TAT: variants seen among roughly 807,000 people sequenced by gnomAD.
The protein encoded by TAT is L-tyrosine:2-oxoglutarate aminotransferase.
Under a neutral mutation model 53.6 loss-of-function variants are expected in TAT, and 35 were observed. The ratio of observed to expected loss-of-function variants is 0.65; its 90% CI spans 0.50 to 0.87. The LOEUF (loss-of-function observed/expected upper bound fraction) is 0.87. TAT is among the 40% of genes least tolerant of loss of function. The probability of loss-of-function intolerance (pLI) is 0.00; values close to 1 mark genes in which losing one functional copy is unlikely to be tolerated. For missense variants in TAT, 525 were observed against 571.8 expected (o/e 0.92, Z 0.83); for synonymous variants, 197 against 206.5 (o/e 0.95, Z 0.39).
At position 71,570,235 on chromosome 16, in the gene TAT, A is replaced by G. The variant is rs371875124; in HGVS notation, c.1041+34T>C. On this transcript the variant is annotated intron_variant, in intron 9 of 11. Coordinates refer to ENST00000355962, the MANE Select transcript of TAT (RefSeq NM_000353.3). ...CACGGGCGGCATTCTCTGACTCCCA[A>G]ACTCCCAAAGTGGAGGGCAGGAGCT... The G allele has an allele frequency of 9.4e-5, 152 of 1,614,104 alleles. No homozygotes were observed. The African/African-American group carries it at 2.0e-3, about 21-fold the overall frequency.
chr16:71,568,227 G>A lies in TAT; in HGVS notation c.1282C>T (p.Leu428=), dbSNP rs756352764. The change falls in exon 12 of 12, where the codon CTG becomes TTG. Residue 428 remains leucine, a synonymous_variant. Coordinates refer to ENST00000355962, the MANE Select transcript of TAT (RefSeq NM_000353.3). ...TCCTGGATCCGGCTGCACGCCTCCA[G>A]CATCATCACCTCGGGGACTGTGATG... The part of the protein sequence containing the change: ...VVITVPEVMM[L]EACSRIQEFC... 1.2e-6 allele frequency: 2 copies of A among 1,614,212 alleles called. No individual in the cohort carries two copies. Among genetic ancestry groups the A allele is most frequent in the Admixed American group, 3.3e-5 (2 of 60,024 alleles).
At chr16:71,568,405 C>A in intron 11 of TAT, 121 bp from the exon 12 acceptor site, 1 of 975,622 alleles carries the variant, frequency 1.0e-6, no homozygotes, top group Admixed American at 2.0e-5. Flanking sequence ...TCAGTTCATT[C>A]AGCTCCCATG....
Position 71,569,759 on chromosome 16 carries a change from T to A in TAT, c.1125+95A>T. 2 of 1,219,166 alleles carry A rather than the reference T, an allele frequency of 1.6e-6. 1 individual carries two copies. The highest frequency in any genetic ancestry group is 2.6e-5 in the South Asian group (2 of 77,334). The allele number at this position is 1,219,166 out of a possible 1,614,324, so 75.5% of individuals were successfully genotyped here. ...GCTTAGGAGGCCAGCTGGTTGTCTT[T>A]GTACCCTGCGTGACTGCCTGTGGCA... On this transcript the variant is annotated intron_variant, in intron 10 of 11. Transcript: ENST00000355962.
Position 71,572,677 on chromosome 16 carries a change from C to T in TAT, c.420G>A (p.Leu140=). 1.9e-6 allele frequency: 3 copies of T among 1,614,178 alleles called. No individual in the cohort carries two copies. Among genetic ancestry groups the T allele is most frequent in the South Asian group, 1.1e-5 (1 of 91,076 alleles). The part of the protein sequence containing the change: ...EAPLEAKDVI[L]TSGCSQAIDL... ...CAATAGCTTGGCTGCAGCCACTTGT[C>T]AGAATGACGTCCTGTGAAGGAAATA... is the stretch of plus-strand genomic sequence containing the variant. The change falls in exon 5 of 12, where the codon CTG becomes CTA. Residue 140 remains leucine (L), a synonymous_variant. Transcript: ENST00000355962.
chr16:71,568,751 C>T lies in TAT; in HGVS notation c.1184G>A (p.Arg395Gln), dbSNP rs774152875. The T allele has an allele frequency of 1.3e-5, 21 of 1,613,838 alleles. No homozygotes were observed. The highest frequency in any genetic ancestry group is 2.7e-5 in the African/African-American group (2 of 74,894). ...EFENDVEFTE[R>Q]LVAEQSVHCL... ...GTGGACAGACTGCTCAGCAACTAAC[C>T]GCTCCGTGAACTCCACATCGTTCTC... The change falls in exon 11 of 12, where the codon CGG (arginine) becomes CAG (glutamine). Residue 395 changes from arginine (R) to glutamine (Q), a missense_variant. Transcript: ENST00000355962.
chr16:71,569,843 C>T lies in TAT; in HGVS notation c.1125+11G>A. 1 of 1,612,792 alleles carries T rather than the reference C, an allele frequency of 6.2e-7. No homozygotes were observed. The highest frequency in any genetic ancestry group is 8.5e-7 in the Non-Finnish European group (1 of 1,179,442). Reference sequence around the variant, plus strand: ...ATGCATTGACCTAGTGCCTGCCACCCACATACTCACCATGAGGTACATAGC... The same window carrying T: ...ATGCATTGACCTAGTGCCTGCCACCTACATACTCACCATGAGGTACATAGC... On this transcript the variant is annotated intron_variant, in intron 10 of 11. Coordinates refer to ENST00000355962, the MANE Select transcript of TAT (RefSeq NM_000353.3).
At position 71,573,622 on chromosome 16, in the gene TAT, G is replaced by A. The variant is rs750522601; in HGVS notation, c.341-16C>T. The A allele has an allele frequency of 3.9e-6, 6 of 1,551,278 alleles. No homozygotes were observed. Among genetic ancestry groups the A allele is most frequent in the Middle Eastern group, 3.3e-4 (2 of 5,972 alleles). ...GATAGGAAGCCTGAAAGAAAAGAGT[G>A]GAAAGTGGAGCTTTTTTGGTTTTTA... On this transcript the variant is annotated splice_polypyrimidine_tract_variant and intron_variant, in intron 3 of 11. Transcript: ENST00000355962.
intron 3 of TAT, chr16:71,575,610 G>A: frequency 2.4e-6 from 1 of 422,386 alleles, no homozygotes; most frequent in South Asian, 2.2e-5. Context: ...CAAAGCTCCT[G>A]CCAGACTCAA....
At chr16:71,571,697 T>C in intron 6 of TAT, 39 bp from the exon 7 acceptor site, 5 of 1,591,620 alleles carry the variant, frequency 3.1e-6, no homozygotes, top group Non-Finnish European at 4.3e-6. Context: ...TTAATGTGAA[T>C]TGCTTTATCA....
In TAT at chr16:71,568,700, C is replaced by G; in HGVS notation, c.1224+11G>C. The stretch of plus-strand genomic sequence containing the variant: ...ACTGTTGAGAATGTCCTGAGGGACA[C>G]AGGCACCCACCGTTGCTGGGAGGCA... On this transcript the variant is annotated intron_variant, in intron 11 of 11. Transcript: ENST00000355962. The G allele has an allele frequency of 1.2e-6, 2 of 1,610,126 alleles. No individual in the cohort carries two copies. The highest frequency in any genetic ancestry group is 1.7e-6 in the Non-Finnish European group (2 of 1,177,114).
rs2044160913 is a variant in TAT, at chr16:71,566,070, T to TGGA, written c.*2071_*2073dup. On this transcript the variant is annotated 3_prime_UTR_variant, in exon 12 of 12. Transcript: ENST00000355962. ...GGTTAGAGATCTTTGGGGGCTTGGA[T>TGGA]GGAGGAACAGGAAAAGAGGAGCCAG... The TGGA allele has an allele frequency of 6.6e-6, 1 of 152,142 alleles. No homozygotes were observed. The allele number at this position is 152,142 out of a possible 1,614,324, so 9.4% of individuals were successfully genotyped here.
Position 71,572,274 on chromosome 16 carries a change from A to T in TAT, c.618T>A (p.Asp206Glu), listed in dbSNP as rs772304832. 1 of 1,614,246 alleles carries T rather than the reference A, an allele frequency of 6.2e-7. No individual in the cohort carries two copies. Among genetic ancestry groups the T allele is most frequent in the East Asian group, 2.2e-5 (1 of 44,878 alleles). The change falls in exon 6 of 12, where the codon GAT (aspartate) becomes GAA (glutamate). Residue 206 changes from aspartate to glutamate, a missense_variant. Coordinates refer to ENST00000355962, the MANE Select transcript of TAT (RefSeq NM_000353.3). ...IDLKQLEYLI[D>E]EKTACLIVNN... ...TGACAATGAGACAAGCTGTCTTTTC[A>T]TCAATTAGATATTCCAGTTGTTTCA...
chr16:71,571,624 A>G lies in TAT; in HGVS notation c.741T>C (p.Asp247=). Residue 247 remains aspartate (D), a synonymous_variant, in exon 7 of 12, where the codon GAT becomes GAC. Transcript: ENST00000355962. Reference sequence around the variant, plus strand: ...GACTCACCATGTCTCCATAGATCTCATCAGCTAAGATGGGGACACACTGCC... The same window carrying G: ...GACTCACCATGTCTCCATAGATCTCGTCAGCTAAGATGGGGACACACTGCC... The part of the protein sequence containing the change: ...AARQCVPILA[D]EIYGDMVFSD... The G allele has an allele frequency of 6.2e-7, 1 of 1,612,686 alleles. No individual in the cohort carries two copies. Among genetic ancestry groups the G allele is most frequent in the Non-Finnish European group, 8.5e-7 (1 of 1,178,664 alleles).
At position 71,576,335 on chromosome 16, in the gene TAT, T is replaced by A; in HGVS notation, c.81A>T (p.Arg27Ser). The A allele has an allele frequency of 6.2e-7, 1 of 1,614,140 alleles. No individual in the cohort carries two copies. Among genetic ancestry groups the A allele is most frequent in the Non-Finnish European group, 8.5e-7 (1 of 1,180,042 alleles). The change falls in exon 2 of 12, where the codon AGA becomes AGT. Residue 27 changes from arginine (R) to serine (S), a missense_variant. Transcript: ENST00000355962. ...CTTTCATTTTTCCCGGCACAGAGCT[T>A]CTCCCACCAACGTTGACATGCACGT... ...ILDVHVNVGGRSSVPGKMKGR... is the reference protein window; with the variant it reads ...ILDVHVNVGGSSSVPGKMKGR...
chr16:71,568,035 T>A lies in TAT; in HGVS notation c.*109A>T. ...GAACAATCTTGAACCCTTGACATGGTGCATTTGAGGCCCCTCTCCCAGTAG... is the reference window on the plus strand; with the variant it reads ...GAACAATCTTGAACCCTTGACATGGAGCATTTGAGGCCCCTCTCCCAGTAG... On this transcript the variant is annotated 3_prime_UTR_variant, in exon 12 of 12. Coordinates refer to ENST00000355962, the MANE Select transcript of TAT (RefSeq NM_000353.3). The A allele has an allele frequency of 7.6e-7, 1 of 1,308,654 alleles. No individual in the cohort carries two copies. Among genetic ancestry groups the A allele is most frequent in the Admixed American group, 1.7e-5 (1 of 59,074 alleles). 81.1% of individuals were successfully genotyped at this position (1,308,654 alleles called of 1,614,324 possible). A position where few individuals can be genotyped will look rare whatever the true frequency, so the allele number is the denominator to read the frequency against.
At position 71,570,737 on chromosome 16, in the gene TAT, G is replaced by A. The variant is rs777245866; in HGVS notation, c.854C>T (p.Pro285Leu). 8 of 1,614,202 alleles carry A rather than the reference G, an allele frequency of 5.0e-6. No homozygotes were observed. The highest frequency in any genetic ancestry group is 6.8e-6 in the Non-Finnish European group (8 of 1,180,032). Residue 285 changes from proline to leucine, a missense_variant, in exon 8 of 12, where the codon CCT becomes CTT. Transcript: ENST00000355962. ...GAGGATCCAGCCCAACCTCCAGCCA[G>A]GAACCAGCCAGCGCTTGGCCAGCCC... ...CGGLAKRWLV[P>L]GWRLGWILIH...
chr16:71,571,472 A>G (rs2044202500), intron 7 of TAT, 134 bp downstream of exon 7: 5 of 810,752 alleles, frequency 6.2e-6, no homozygotes. Flanking sequence ...GTGGGTCTAT[A>G]TATTTGTAAA....
At chr16:71,571,782 C>T (rs2044205033) in intron 6 of TAT, 124 bp from the exon 7 acceptor site, 11 of 959,160 alleles carry the variant, frequency 1.1e-5, no homozygotes, top group Middle Eastern at 2.1e-4. Flanking sequence ...AAGAGAAAGA[C>T]AAAAAGCACA....
rs137946175 is a variant in TAT, at chr16:71,568,716, C to T, written c.1219G>A (p.Ala407Thr). The T allele has an allele frequency of 2.5e-5, 41 of 1,612,162 alleles. No individual in the cohort carries two copies. The African/African-American group carries it at 5.2e-4, about 20-fold the overall frequency. The change falls in exon 11 of 12, where the codon GCA becomes ACA. Residue 407 changes from alanine (A) to threonine (T), a missense_variant. Ala to Thr is a moderately conservative substitution (Grantham distance 58). Transcript: ENST00000355962. ...TGAGGGACACAGGCACCCACCGTTGCTGGGAGGCAGTGGACAGACTGCTCA... is the reference window on the plus strand; with the variant it reads ...TGAGGGACACAGGCACCCACCGTTGTTGGGAGGCAGTGGACAGACTGCTCA... ...VAEQSVHCLP[A>T]TCFEYPNFIR...
Sources: allele counts gnomAD v4.1 joint callset, GRCh38; gene constraint gnomAD v4.1.1; transcripts MANE v1.5; gene names NCBI Gene and HGNC (gene_info 2026-07-23, HGNC 2026-07-21).